KCNA6: variants seen among roughly 807,000 people sequenced by gnomAD.
The protein encoded by KCNA6 is potassium voltage-gated channel subfamily A member 6.
A neutral mutation model predicts 29.5 loss-of-function variants in KCNA6; 17 were observed. The ratio of observed to expected loss-of-function variants is 0.58; its 90% confidence interval spans 0.39 to 0.86. The LOEUF is 0.86. Ranked by LOEUF, KCNA6 falls within the 40% of genes least tolerant of loss-of-function variation. The probability of loss-of-function intolerance (pLI) is 0.00; values close to 1 mark genes in which losing one functional copy is unlikely to be tolerated. For synonymous variants in KCNA6, 296 were observed against 304.7 expected (o/e 0.97, Z 0.30); for missense variants, 450 against 703.4 (o/e 0.64, Z 4.07).
chr12:4,848,732 C>T, the KCNA6 span, among the ~76,000 whole-genome samples: 1 of 152,002 alleles, frequency 6.6e-6, no homozygotes, highest in African/African-American at 2.4e-5. Flanking sequence ...CGGGGTTTCT[C>T]CATGTTGGTC....
At chr12:4,816,249 GGTGTGTGTGTGTGTGTGTGTGT>G (rs59638657), downstream of KCNA6, among the ~76,000 whole-genome samples, 19 of 142,738 alleles carry the variant, frequency 1.3e-4, no homozygotes, top group East Asian at 1.7e-3. Context: ...ACCACGAACT[GGTGTGTGTGTGTGTGTGTGTGT>G]GTGTGTGTGT....
downstream of KCNA6, among the ~76,000 whole-genome samples, chr12:4,816,251 TGTGTGTGTGTG>T (rs1405544020): frequency 1.9e-4 from 1 of 5,360 alleles, no homozygotes; most frequent in African/African-American, 1.2e-3. Flanking sequence ...CACGAACTGG[TGTGTGTGTGTG>T]TGTGTGTGTG....
At chr12:4,820,591 A>ACACACACACT in the KCNA6 span, among the ~76,000 whole-genome samples, 3 of 144,502 alleles carry the variant, frequency 2.1e-5, no homozygotes, top group Non-Finnish European at 3.1e-5. Context: ...ACACACACAC[A>ACACACACACT]CTCTTAAAAA....
In KCNA6 at chr12:4,810,566, C is replaced by T; in HGVS notation, c.525C>T (p.Gly175=). The change falls in exon 1 of 1, where the codon GGC becomes GGT. Residue 175 remains glycine (G), a synonymous_variant. Transcript: ENST00000280684. This position sits in a 1 kb window ranked among gnomAD's most constrained non-coding sequence, Gnocchi z 7.5. ...CAGAGAGCTCTGGGCCGGCCAGGGGCATCGCCATCGTCTCCGTGTTGGTCA... is the reference window on the plus strand; with the variant it reads ...CAGAGAGCTCTGGGCCGGCCAGGGGTATCGCCATCGTCTCCGTGTTGGTCA... The T allele has an allele frequency of 6.2e-7, 1 of 1,614,188 alleles. No homozygotes were observed. Among genetic ancestry groups the T allele is most frequent in the Non-Finnish European group, 8.5e-7 (1 of 1,180,036 alleles).
the KCNA6 span, among the ~76,000 whole-genome samples, chr12:4,825,993 C>A: frequency 6.6e-6 from 1 of 152,210 alleles, no homozygotes; most frequent in East Asian, 1.9e-4. Flanking sequence ...ACTCACTATC[C>A]TATTTATGAA....
chr12:4,850,379 C>A, the KCNA6 span, among the ~76,000 whole-genome samples: 1 of 152,110 alleles, frequency 6.6e-6, no homozygotes, highest in South Asian at 2.1e-4. The surrounding 1 kb of genome is among the most constrained non-coding windows in gnomAD (Gnocchi z 5.4). Context: ...TGAGACTGTG[C>A]CTTCTGGGGC....
At position 4,811,167 on chromosome 12, in the gene KCNA6, C is replaced by T; in HGVS notation, c.1126C>T (p.Leu376=). The change falls in exon 1 of 1, where the codon CTG becomes TTG. Residue 376 remains leucine, a synonymous_variant. Coordinates refer to ENST00000280684, the Ensembl canonical transcript of KCNA6. The surrounding 1 kb of genome is among the most constrained non-coding windows in gnomAD (Gnocchi z 7.1). ...GACCTTGCAGGCCTCCATGAGGGAG[C>T]TGGGGCTGCTCATCTTCTTCCTCTT... 1 of 1,614,234 alleles carries T rather than the reference C, an allele frequency of 6.2e-7. No homozygotes were observed.
At chr12:4,828,357 G>A in the KCNA6 span, among the ~76,000 whole-genome samples, 4 of 152,222 alleles carry the variant, frequency 2.6e-5, no homozygotes, top group East Asian at 3.8e-4. Flanking sequence ...CTACATAGCC[G>A]TCATGGAGAT....
At chr12:4,845,984 G>GTTTTTTT in the KCNA6 span, among the ~76,000 whole-genome samples, 1,308 of 129,388 alleles carry the variant, frequency 0.01, 54 homozygotes, top group African/African-American at 0.037. Context: ...GAATTTTAGA[G>GTTTTTTT]TTTTTTTTTT....
the KCNA6 span, among the ~76,000 whole-genome samples, chr12:4,836,318 T>G: frequency 1.3e-5 from 2 of 152,074 alleles, no homozygotes; most frequent in Non-Finnish European, 2.9e-5. Flanking sequence ...ATAGATCAGG[T>G]GGACTCTGCA....
At chr12:4,843,994 GTC>G in the KCNA6 span, among the ~76,000 whole-genome samples, 1 of 152,172 alleles carries the variant, frequency 6.6e-6, no homozygotes, top group African/African-American at 2.4e-5. Context: ...GCTTGCCCAT[GTC>G]TCTCTCTTCC....
At chr12:4,841,128 C>T in the KCNA6 span, among the ~76,000 whole-genome samples, 9 of 152,158 alleles carry the variant, frequency 5.9e-5, no homozygotes, top group Non-Finnish European at 1.2e-4. Flanking sequence ...GGAGTATAAA[C>T]AAGTGGTGCT....
chr12:4,816,633 G>GTA (rs1946685113), downstream of KCNA6, among the ~76,000 whole-genome samples: 1 of 151,948 alleles, frequency 6.6e-6, no homozygotes, highest in South Asian at 2.1e-4. Context: ...TATCTACTAT[G>GTA]GTTATTATTT....
At chr12:4,831,875 G>T in the KCNA6 span, among the ~76,000 whole-genome samples, 2 of 152,156 alleles carry the variant, frequency 1.3e-5, no homozygotes, top group Admixed American at 1.3e-4. Flanking sequence ...CACTAGTATT[G>T]AGATCTTGGG....
exon 1 of KCNA6, chr12:4,809,979 C>T (rs912987357): frequency 6.7e-7 from 1 of 1,482,254 alleles, no homozygotes; most frequent in Admixed American, 2.5e-5. Flanking sequence ...GAGCGGGTGC[C>T]GCGCTCCAGA....
At chr12:4,831,847 A>G in the KCNA6 span, among the ~76,000 whole-genome samples, 13 of 152,158 alleles carry the variant, frequency 8.5e-5, no homozygotes, top group Non-Finnish European at 1.5e-5. Context: ...TCTGGGCTCA[A>G]ACCCTGGCTC....
chr12:4,835,283 C>T, the KCNA6 span, among the ~76,000 whole-genome samples: 5 of 151,754 alleles, frequency 3.3e-5, no homozygotes, highest in Non-Finnish European at 5.9e-5. Flanking sequence ...TACAGGCACC[C>T]GCCACTGCGC....
chr12:4,810,284 G>A lies in KCNA6; in HGVS notation c.243G>A (p.Arg81=), dbSNP rs546055797. The A allele has an allele frequency of 5.0e-5, 81 of 1,613,942 alleles. No individual in the cohort carries two copies. The highest frequency in any genetic ancestry group is 6.9e-5 in the Non-Finnish European group (81 of 1,180,056). Residue 81 remains arginine (R), a synonymous_variant, in exon 1 of 1, where the codon AGG becomes AGA. Transcript: ENST00000280684. This position sits in a 1 kb window ranked among gnomAD's most constrained non-coding sequence, Gnocchi z 7.5. ...GAGTCCGCTTCTTCGACCCCCTGAG[G>A]AACGAGTACTTCTTCGACCGCAACC...
downstream of KCNA6, among the ~76,000 whole-genome samples, chr12:4,817,063 A>G (rs754282936): frequency 6.6e-6 from 1 of 152,232 alleles, no homozygotes; most frequent in Non-Finnish European, 1.5e-5. Flanking sequence ...TCCTTCCAGG[A>G]CAATCTGGCT....
Sources: allele counts gnomAD v4.1 joint callset (sites outside exome capture counted in the v4.1 genomes callset), GRCh38; gene constraint gnomAD v4.1.1; non-coding constraint Gnocchi (gnomAD v3.1); transcripts MANE v1.5; gene names NCBI Gene and HGNC (gene_info 2026-07-23, HGNC 2026-07-21).